The following FOCAD variants were observed in gnomAD, a reference collection of about 807,000 sequenced individuals.
The protein encoded by FOCAD is KIAA1797.
Under a neutral mutation model 225.6 loss-of-function variants are expected in FOCAD, and 198 were observed. The observed-to-expected ratio is 0.88, with a 90% confidence interval of 0.78 to 0.99. The LOEUF (loss-of-function observed/expected upper bound fraction) is 0.99, where lower values mean the gene tolerates loss of function less well. Ranked by LOEUF, FOCAD falls within the 50% of genes least tolerant of loss-of-function variation. The pLI is 0.00. For missense variants in FOCAD, 2,713 were observed against 2,123.6 expected (o/e 1.28, Z -5.46); for synonymous variants, 897 against 755.0 (o/e 1.19, Z -3.08).
At chr9:20,972,763 A>G (rs978109578) in intron 35 of FOCAD, among the ~76,000 whole-genome samples, 1 of 151,646 alleles carries the variant, frequency 6.6e-6, no homozygotes, top group South Asian at 2.1e-4. Flanking sequence ...TTTTGCAGCT[A>G]TTTTCCTTCT....
chr9:20,824,962 T>C (rs1824716488), intron 15 of FOCAD, among the ~76,000 whole-genome samples: 1 of 152,132 alleles, frequency 6.6e-6, no homozygotes. Flanking sequence ...ATATTACCAA[T>C]GTCCAGAATT....
At chr9:20,853,213 A>G (rs1418722350) in intron 15 of FOCAD, among the ~76,000 whole-genome samples, 8 of 151,734 alleles carry the variant, frequency 5.3e-5, no homozygotes, top group Non-Finnish European at 8.9e-5. Flanking sequence ...AGAGAAATCA[A>G]TGGAATTTGC....
At chr9:20,699,900 A>G (rs1386540018) in intron 1 of FOCAD, among the ~76,000 whole-genome samples, 2 of 145,950 alleles carry the variant, frequency 1.4e-5, no homozygotes, top group East Asian at 4.1e-4. Context: ...AACTAACTTT[A>G]TCTGAAAGAC....
intron 28 of FOCAD, among the ~76,000 whole-genome samples, chr9:20,935,101 A>G (rs1013862567): frequency 6.6e-6 from 1 of 152,202 alleles, no homozygotes; most frequent in African/African-American, 2.4e-5. Flanking sequence ...ATCATTCTAC[A>G]CAGAACTAGA....
At chr9:20,738,543 G>T (rs569660448) in intron 4 of FOCAD, among the ~76,000 whole-genome samples, 41 of 152,310 alleles carry the variant, frequency 2.7e-4, no homozygotes, top group African/African-American at 9.9e-4. Context: ...CCACACAGGA[G>T]AGAAACTATA....
At position 20,929,352 on chromosome 9, in the gene FOCAD, T is replaced by C. The variant is rs370625868; in HGVS notation, c.3079-6T>C. Reference sequence around the variant, plus strand: ...AACCCTGTTTTCTTTCTTTGGCATGTCCTAGAAGTCCTATTCTGGTGAAAA... The same window carrying C: ...AACCCTGTTTTCTTTCTTTGGCATGCCCTAGAAGTCCTATTCTGGTGAAAA... On this transcript the variant is annotated splice_region_variant and splice_polypyrimidine_tract_variant and intron_variant, in intron 26 of 43. Coordinates refer to ENST00000338382, the MANE Select transcript of FOCAD (RefSeq NM_001375567.1). 7.4e-6 allele frequency: 12 copies of C among 1,612,380 alleles called. No homozygotes were observed. The Admixed American group carries it at 8.3e-5, about 11-fold the overall frequency.
At chr9:20,860,010 T>A (rs1020818986) in intron 15 of FOCAD, among the ~76,000 whole-genome samples, 3 of 152,062 alleles carry the variant, frequency 2.0e-5, no homozygotes, top group Non-Finnish European at 4.4e-5. Context: ...TTTGTAAGTA[T>A]ACCAAAAACC....
chr9:20,736,974 T>A (rs930628547), intron 4 of FOCAD, among the ~76,000 whole-genome samples: 1 of 151,872 alleles, frequency 6.6e-6, no homozygotes. Flanking sequence ...TTCAAGTGGG[T>A]TGAGGGGGAT....
intron 4 of FOCAD, among the ~76,000 whole-genome samples, chr9:20,727,847 T>C (rs1826335780): frequency 6.6e-6 from 1 of 152,236 alleles, no homozygotes; most frequent in Non-Finnish European, 1.5e-5. Context: ...TATGTCATTC[T>C]CTTCAACCCA....
rs191381996 is a variant in FOCAD at position 20,811,552 on chromosome 9, A to G, written c.1456-8244A>G. Among the ~76,000 whole-genome samples the G allele has an allele frequency of 3.9e-5, 6 of 152,184 alleles. No homozygotes were observed. In the East Asian group the frequency reaches 9.6e-4, roughly 24 times the overall value. On this transcript the variant is annotated intron_variant, in intron 11 of 43. Transcript: ENST00000338382. ...ATTTGACTCTTAAAGGTTAAACTTC[A>G]AGACTGTAGAATACTTCTTTAATTA...
At chr9:20,976,340 GA>G in intron 35 of FOCAD, 79 bp from the exon 36 acceptor site, 3 of 1,355,392 alleles carry the variant, frequency 2.2e-6, no homozygotes, top group Non-Finnish European at 3.1e-6. Context: ...ATGCTAGAAG[GA>G]AAGAAGGAAT....
At chr9:20,748,149 C>T (rs532360249) in intron 5 of FOCAD, among the ~76,000 whole-genome samples, 53 of 152,078 alleles carry the variant, frequency 3.5e-4, no homozygotes, top group Non-Finnish European at 6.8e-4. Flanking sequence ...AAGTATGACA[C>T]CTATACAATC....
At chr9:20,876,594 A>G (rs1001101857) in intron 19 of FOCAD, among the ~76,000 whole-genome samples, 2 of 152,100 alleles carry the variant, frequency 1.3e-5, no homozygotes, top group Non-Finnish European at 2.9e-5. Flanking sequence ...CGACAACTGT[A>G]TTTGTTTGAG....
chr9:20,930,148 G>A (rs1235920383), intron 27 of FOCAD, among the ~76,000 whole-genome samples: 1 of 150,888 alleles, frequency 6.6e-6, no homozygotes, highest in African/African-American at 2.4e-5. Context: ...ATATTATACT[G>A]TGTGCTTTGT....
At chr9:20,965,233 G>T (rs1839153918) in intron 35 of FOCAD, among the ~76,000 whole-genome samples, 1 of 152,144 alleles carries the variant, frequency 6.6e-6, no homozygotes, top group African/African-American at 2.4e-5. Flanking sequence ...GGTAGTTTTG[G>T]TGGAGTGGCA....
At chr9:20,740,191 T>C in intron 4 of FOCAD, 45 bp from the exon 5 acceptor site, 1 of 1,226,586 alleles carries the variant, frequency 8.2e-7, no homozygotes. Flanking sequence ...GATTAGAATA[T>C]TCACTTTTTA....
At chr9:20,735,881 A>G (rs904430417) in intron 4 of FOCAD, among the ~76,000 whole-genome samples, 1 of 152,018 alleles carries the variant, frequency 6.6e-6, no homozygotes, top group African/African-American at 2.4e-5. Flanking sequence ...TATAATTCAA[A>G]TATTATAAAA....
chr9:20,977,457 T>C (rs934055028), intron 36 of FOCAD, among the ~76,000 whole-genome samples: 1 of 152,184 alleles, frequency 6.6e-6, no homozygotes, highest in Non-Finnish European at 1.5e-5. Context: ...CAGCAACCTA[T>C]TTTATACAGA....
intron 21 of FOCAD, among the ~76,000 whole-genome samples, chr9:20,896,635 A>G (rs1378203317): frequency 6.6e-6 from 1 of 151,866 alleles, no homozygotes; most frequent in Admixed American, 6.6e-5. Flanking sequence ...CATCTAGGTT[A>G]TCAAATTTGT....
Sources: allele counts gnomAD v4.1 joint callset (sites outside exome capture counted in the v4.1 genomes callset), GRCh38; gene constraint gnomAD v4.1.1; transcripts MANE v1.5; gene names NCBI Gene and HGNC (gene_info 2026-07-23, HGNC 2026-07-21).